Variants in UNC13B observed in about 807,000 individuals in gnomAD.
UNC13B encodes the protein protein unc-13 homolog B.
UNC13B carries 144 observed loss-of-function variants against 211.0 expected under a neutral mutation model. The ratio of observed to expected loss-of-function variants is 0.68; its 90% CI spans 0.60 to 0.78. The LOEUF is 0.78. Ranked by LOEUF, UNC13B falls within the 30% of genes least tolerant of loss-of-function variation. The pLI, the probability that UNC13B is intolerant of heterozygous loss-of-function variation, is 0.00. For missense variants in UNC13B, 1,777 were observed against 2,002.0 expected, an observed-to-expected ratio of 0.89 and a Z score of 2.14; for synonymous variants, 709 against 725.8, an observed-to-expected ratio of 0.98 and a Z score of 0.37.
intron 1 of UNC13B, among the ~76,000 whole-genome samples, chr9:35,197,456 C>T (rs1823007840): frequency 6.6e-6 from 1 of 152,182 alleles, no homozygotes. Context: ...GATCTGCCTG[C>T]CTCAGCCTCC....
chr9:35,361,632 G>A (rs933108789), intron 11 of UNC13B: 2 of 152,198 alleles, frequency 1.3e-5, no homozygotes, highest in African/African-American at 4.8e-5. Context: ...GTAGTATAAA[G>A]TGAGAAATAT....
chr9:35,176,942 G>A (rs893828631), intron 1 of UNC13B, among the ~76,000 whole-genome samples: 1 of 152,062 alleles, frequency 6.6e-6, no homozygotes, highest in African/African-American at 2.4e-5. Context: ...GTGGGAGAAG[G>A]ATCTGAGAGA....
At chr9:35,357,329 T>C (rs978126590) in intron 11 of UNC13B, among the ~76,000 whole-genome samples, 1 of 152,248 alleles carries the variant, frequency 6.6e-6, no homozygotes, top group Non-Finnish European at 1.5e-5. Context: ...TAGTGACTAA[T>C]GATGTTGAGC....
intron 9 of UNC13B, among the ~76,000 whole-genome samples, chr9:35,310,161 G>A (rs559973190): frequency 2.2e-4 from 34 of 152,260 alleles, no homozygotes; most frequent in African/African-American, 7.9e-4. Flanking sequence ...ATAAGTAACA[G>A]GCCATTTTAA....
chr9:35,284,623 A>G (rs890026105), intron 7 of UNC13B, among the ~76,000 whole-genome samples: 1 of 152,104 alleles, frequency 6.6e-6, no homozygotes, highest in Non-Finnish European at 1.5e-5. Flanking sequence ...TTATTCTCCT[A>G]TGTTAGATTT....
chr9:35,375,845 G>C (rs960903586), intron 14 of UNC13B, among the ~76,000 whole-genome samples, 183 bp from the exon 15 acceptor site: 5 of 152,166 alleles, frequency 3.3e-5, no homozygotes, highest in Non-Finnish European at 5.9e-5. Context: ...GCTGGGCATG[G>C]TAGCATGTGC....
chr9:35,381,483 C>CT (rs1422022566), intron 19 of UNC13B, 73 bp from the exon 20 acceptor site: 35 of 1,510,652 alleles, frequency 2.3e-5, no homozygotes, highest in Non-Finnish European at 2.9e-5. Flanking sequence ...TTCTTCTGGG[C>CT]TTTACCACCA....
At chr9:35,212,441 C>T (rs1407442462) in intron 1 of UNC13B, among the ~76,000 whole-genome samples, 1 of 152,092 alleles carries the variant, frequency 6.6e-6, no homozygotes, top group Admixed American at 6.6e-5. Flanking sequence ...AGCACAGTGG[C>T]GTGTGCCTGT....
At chr9:35,338,231 A>T (rs1360213459) in intron 11 of UNC13B, among the ~76,000 whole-genome samples, 2 of 152,212 alleles carry the variant, frequency 1.3e-5, no homozygotes, top group African/African-American at 4.8e-5. Flanking sequence ...CTAACTGGTT[A>T]GCTGGCCAGT....
chr9:35,355,383 G>A (rs1832963463), intron 11 of UNC13B, among the ~76,000 whole-genome samples: 1 of 152,128 alleles, frequency 6.6e-6, no homozygotes, highest in Non-Finnish European at 1.5e-5. Flanking sequence ...ATAATACTAA[G>A]CCATAAAGTT....
chr9:35,238,008 G>A (rs996272658), intron 5 of UNC13B, among the ~76,000 whole-genome samples, 182 bp downstream of exon 5: 1 of 151,542 alleles, frequency 6.6e-6, no homozygotes, highest in South Asian at 2.1e-4. Flanking sequence ...ATATAGAATA[G>A]TGCTCATTAA....
At chr9:35,163,219 G>C (rs1262475668) in intron 1 of UNC13B, among the ~76,000 whole-genome samples, 1 of 152,190 alleles carries the variant, frequency 6.6e-6, no homozygotes, top group Non-Finnish European at 1.5e-5. Context: ...TATCTGATGT[G>C]TCTTGATTAT....
intron 7 of UNC13B, among the ~76,000 whole-genome samples, chr9:35,293,700 T>A (rs368860919): frequency 9.2e-5 from 14 of 152,140 alleles, no homozygotes; most frequent in Admixed American, 2.0e-4. Context: ...GCTTCCAAAG[T>A]CTCTTTTTCT....
At chr9:35,328,524 T>A (rs1342542930) in intron 11 of UNC13B, among the ~76,000 whole-genome samples, 1 of 152,020 alleles carries the variant, frequency 6.6e-6, no homozygotes, top group Admixed American at 6.6e-5. Flanking sequence ...AGATGATCCT[T>A]CCACTGTATT....
chr9:35,358,273 AC>A (rs1326641767), intron 11 of UNC13B, among the ~76,000 whole-genome samples: 1 of 148,676 alleles, frequency 6.7e-6, no homozygotes, highest in Non-Finnish European at 1.5e-5. Flanking sequence ...ACAGTGGTAT[AC>A]AAATATTTTT....
At chr9:35,314,752 A>G (rs1830359999) in intron 11 of UNC13B, among the ~76,000 whole-genome samples, 1 of 151,634 alleles carries the variant, frequency 6.6e-6, no homozygotes, top group Non-Finnish European at 1.5e-5. Context: ...ATGCGTACAC[A>G]TTATTTAGCT....
chr9:35,168,455 G>A (rs1360926467), intron 1 of UNC13B, among the ~76,000 whole-genome samples: 3 of 151,902 alleles, frequency 2.0e-5, no homozygotes, highest in Non-Finnish European at 4.4e-5. Context: ...CTTTCCACCT[G>A]GACTTTATGT....
At chr9:35,246,048 T>G (rs1826078522) in intron 6 of UNC13B, among the ~76,000 whole-genome samples, 1 of 152,204 alleles carries the variant, frequency 6.6e-6, no homozygotes, top group Admixed American at 6.5e-5. Context: ...CCATTCTAAC[T>G]GGTGTGAGAT....
intron 2 of UNC13B, among the ~76,000 whole-genome samples, chr9:35,230,806 A>C (rs1220093307): frequency 6.6e-6 from 1 of 152,186 alleles, no homozygotes; most frequent in Non-Finnish European, 1.5e-5. Context: ...AGGAAATATC[A>C]ATGTATCATA....
Sources: gnomAD v4.1 joint callset for allele counts (sites outside exome capture counted in the v4.1 genomes callset) on GRCh38, gnomAD v4.1.1 for gene constraint, MANE v1.5 for transcripts, NCBI Gene and HGNC (gene_info 2026-07-23, HGNC 2026-07-21) for gene names.